Variants in FBN2 observed in about 807,000 individuals in gnomAD.
The protein encoded by FBN2 is fibrillin 2, also known as fibrillin-2.
In FBN2, 105 loss-of-function variants were observed where a neutral mutation model predicts 355.6. That is an observed-to-expected ratio of 0.30 (90% CI 0.25 to 0.35). FBN2 has a LOEUF of 0.35. Ranked by LOEUF, FBN2 falls within the 10% of genes least tolerant of loss-of-function variation. The probability of loss-of-function intolerance (pLI) is 1.00; values close to 1 mark genes in which losing one functional copy is unlikely to be tolerated. For synonymous variants in FBN2, 1,350 were observed against 1,301.2 expected (o/e 1.04, Z -0.81); for missense variants, 3,280 against 3,758.7 (o/e 0.87, Z 3.33).
At chr5:128,370,607 C>T (rs1337440304) in intron 15 of FBN2, among the ~76,000 whole-genome samples, 2 of 152,186 alleles carry the variant, frequency 1.3e-5, no homozygotes, top group African/African-American at 2.4e-5. Flanking sequence ...CAAATTTGCA[C>T]AAATATAACA....
At chr5:128,343,973 G>A (rs778591802) in intron 25 of FBN2, among the ~76,000 whole-genome samples, 13 of 152,206 alleles carry the variant, frequency 8.5e-5, no homozygotes, top group Non-Finnish European at 1.6e-4. Flanking sequence ...GCTCAAGCCT[G>A]TAATCCCAGC....
chr5:128,531,870 A>G (rs981466777), intron 2 of FBN2, among the ~76,000 whole-genome samples: 7 of 152,020 alleles, frequency 4.6e-5, no homozygotes, highest in Non-Finnish European at 8.8e-5. Flanking sequence ...GCTTTGCAAT[A>G]AGGAAAAAAA....
intron 62 of FBN2, among the ~76,000 whole-genome samples, chr5:128,266,040 C>G (rs1178815108): frequency 6.6e-6 from 1 of 152,168 alleles, no homozygotes; most frequent in Non-Finnish European, 1.5e-5. Context: ...GGTGGCTTTT[C>G]AATTTGCGTT....
Position 128,446,478 on chromosome 5 carries a change from C to T in FBN2, c.952+3G>A. ...GCATGCTTCCCAAAGTAGAGAGACT[C>T]ACCTTCACATTTCTGAGTAGTTTCA... is the stretch of plus-strand genomic sequence containing the variant. On this transcript the variant is annotated splice_donor_region_variant and intron_variant, in intron 7 of 64. Transcript: ENST00000262464. 1 of 1,613,622 alleles carries T rather than the reference C, an allele frequency of 6.2e-7. No homozygotes were observed. Among genetic ancestry groups the T allele is most frequent in the African/African-American group, 1.3e-5 (1 of 75,034 alleles).
intron 42 of FBN2, among the ~76,000 whole-genome samples, chr5:128,306,672 G>A (rs542042841): frequency 6.6e-6 from 1 of 152,170 alleles, no homozygotes; most frequent in African/African-American, 2.4e-5. Flanking sequence ...GGAAGCTAGA[G>A]TGAGCAACAC....
Position 128,522,428 on chromosome 5 carries a change from CT to C in FBN2, c.533-3061del, listed in dbSNP as rs551599065. 3.8e-3 allele frequency among the ~76,000 whole-genome samples: 581 copies of C among 152,254 alleles called. 2 individuals carry two copies. Among genetic ancestry groups the C allele is most frequent in the Non-Finnish European group, 6.5e-3 (443 of 68,008 alleles). ...CCTCTCTGATTCTTAGCTTCCTGGCCTGCAAAAAGAGACTTAACAGTTCCTC... is the reference window on the plus strand; with the variant it reads ...CCTCTCTGATTCTTAGCTTCCTGGCCGCAAAAAGAGACTTAACAGTTCCTC... On this transcript the variant is annotated intron_variant, in intron 4 of 64. Coordinates refer to ENST00000262464, the MANE Select transcript of FBN2 (RefSeq NM_001999.4).
intron 23 of FBN2, 21 bp from the exon 24 acceptor site, chr5:128,345,605 C>G (rs759651649): frequency 6.3e-7 from 1 of 1,596,920 alleles, no homozygotes; most frequent in South Asian, 1.1e-5. Flanking sequence ...AACGAAATCA[C>G]AGGGTGAGAA....
chr5:128,434,526 A>G (rs1753726306), intron 7 of FBN2, among the ~76,000 whole-genome samples: 1 of 150,502 alleles, frequency 6.6e-6, no homozygotes, highest in South Asian at 2.1e-4. Flanking sequence ...GGATTTCTTT[A>G]GAGTAGACTA....
chr5:128,286,770 C>T lies in FBN2; in HGVS notation c.6960G>A (p.Met2320Ile), dbSNP rs780214155. 1.2e-5 allele frequency: 19 copies of T among 1,614,030 alleles called. No homozygotes were observed. The East Asian group carries it at 3.6e-4, about 30-fold the overall frequency. ...GGGCCATTCCAGGAGGGCAGATGCA[C>T]ATGAAGGTGCCGATTAGATTCTTAC... ...MMCKNLIGTF[M>I]CICPPGMARR... The change falls in exon 55 of 65, where the codon ATG (methionine) becomes ATA (isoleucine). Residue 2320 changes from methionine (M) to isoleucine (I), a missense_variant. Met to Ile is a conservative substitution (Grantham distance 10, BLOSUM62 1). Transcript: ENST00000262464.
In FBN2 at chr5:128,460,171, GACAA is replaced by G. The variant is rs200899587; in HGVS notation, c.826+4549_826+4552del. Among the ~76,000 whole-genome samples, 1,247 of 152,148 alleles carry G rather than the reference GACAA, an allele frequency of 8.2e-3. 15 individuals are homozygous for G. Among genetic ancestry groups the G allele is most frequent in the African/African-American group, 0.028 (1,165 of 41,510 alleles). ...TAAGCATTCCTATGCACCAATAATA[GACAA>G]ACAGAGAGTCAAATCATGAGTGAAC... is the stretch of plus-strand genomic sequence containing the variant. On this transcript the variant is annotated intron_variant, in intron 6 of 64. Transcript: ENST00000262464.
At chr5:128,429,476 A>G (rs1753565501) in intron 7 of FBN2, among the ~76,000 whole-genome samples, 1 of 152,212 alleles carries the variant, frequency 6.6e-6, no homozygotes, top group African/African-American at 2.4e-5. Context: ...CATGAAATCC[A>G]CACCATTTTT....
intron 14 of FBN2, among the ~76,000 whole-genome samples, chr5:128,375,141 A>G (rs1752049081): frequency 6.6e-6 from 1 of 152,216 alleles, no homozygotes; most frequent in African/African-American, 2.4e-5. Flanking sequence ...TCATTTGATA[A>G]TAACAAAATA....
Position 128,305,034 on chromosome 5 carries a change from C to A in FBN2, c.5723G>T (p.Cys1908Phe), listed in dbSNP as rs766326741. 1.2e-6 allele frequency: 2 copies of A among 1,613,352 alleles called. No individual in the cohort carries two copies. The highest frequency in any genetic ancestry group is 1.7e-6 in the Non-Finnish European group (2 of 1,179,684). ...CTGGTAACTTCCTTGCAGATCAACA[C>A]ACAAGCCATGACTGCAAACGTTAGG... Reference protein sequence around the residue: ...EIPNVCSHGLCVDLQGSYQCI... With the variant: ...EIPNVCSHGLFVDLQGSYQCI... The change falls in exon 45 of 65, where the codon TGT becomes TTT. Residue 1908 changes from cysteine to phenylalanine, a missense_variant. By Grantham distance (205) the Cys-to-Phe change is radical. Coordinates refer to ENST00000262464, the MANE Select transcript of FBN2 (RefSeq NM_001999.4).
intron 51 of FBN2, among the ~76,000 whole-genome samples, chr5:128,289,474 G>A (rs969532362): frequency 1.3e-5 from 2 of 152,056 alleles, no homozygotes; most frequent in African/African-American, 4.8e-5. Flanking sequence ...TGTAGTCCCA[G>A]CTACTTGGGG....
At chr5:128,296,651 G>A (rs1749523459) in intron 48 of FBN2, among the ~76,000 whole-genome samples, 1 of 152,088 alleles carries the variant, frequency 6.6e-6, no homozygotes, top group Non-Finnish European at 1.5e-5. Context: ...TTCTCTGATG[G>A]TAGTTTGTAT....
intron 11 of FBN2, among the ~76,000 whole-genome samples, chr5:128,388,767 A>AT (rs1752432941): frequency 6.6e-6 from 1 of 151,950 alleles, no homozygotes; most frequent in South Asian, 2.1e-4. Flanking sequence ...TGCCTTTAAA[A>AT]TTTTTTTATT....
intron 8 of FBN2, among the ~76,000 whole-genome samples, chr5:128,396,021 TGAG>T (rs1752640844): frequency 6.6e-6 from 1 of 151,958 alleles, no homozygotes; most frequent in South Asian, 2.1e-4. Flanking sequence ...CAGAGACCAG[TGAG>T]GAGGACACTG....
intron 17 of FBN2, among the ~76,000 whole-genome samples, chr5:128,365,666 C>T (rs950701062): frequency 6.7e-6 from 1 of 149,682 alleles, no homozygotes; most frequent in Admixed American, 6.7e-5. Context: ...ATATATATAA[C>T]CGTATATATA....
intron 62 of FBN2, 24 bp from the exon 63 acceptor site, chr5:128,263,680 C>CT: frequency 6.3e-6 from 10 of 1,581,498 alleles, no homozygotes; most frequent in African/African-American, 1.3e-5. Flanking sequence ...GAAAGAAACT[C>CT]TTACACGGGG....
Sources: gnomAD v4.1 joint callset for allele counts (sites outside exome capture counted in the v4.1 genomes callset) on GRCh38, gnomAD v4.1.1 for gene constraint, MANE v1.5 for transcripts, NCBI Gene and HGNC (gene_info 2026-07-23, HGNC 2026-07-21) for gene names.